Variants in ST6GALNAC4 observed in about 807,000 individuals in gnomAD.
ST6GALNAC4 encodes alpha-N-acetyl-neuraminyl-2,3-beta-galactosyl-1,3-N-acetyl-galactosaminide alpha-2,6-sialyltransferase.
Under a neutral mutation model 30.4 loss-of-function variants are expected in ST6GALNAC4, and 24 were observed. The ratio of observed to expected loss-of-function variants is 0.79; its 90% CI spans 0.57 to 1.11. ST6GALNAC4 has a LOEUF of 1.11. Ranked by LOEUF, ST6GALNAC4 falls within the 50% of genes most tolerant of loss-of-function variation. ST6GALNAC4 has a pLI of 0.00. For synonymous variants in ST6GALNAC4, 156 were observed against 179.7 expected, an observed-to-expected ratio of 0.87 and a Z score of 1.05; for missense variants, 365 against 430.1, an observed-to-expected ratio of 0.85 and a Z score of 1.34.
At chr9:127,916,722 A>C in intron 1 of ST6GALNAC4, 104 bp downstream of exon 1, 1 of 531,368 alleles carries the variant, frequency 1.9e-6, no homozygotes, top group Non-Finnish European at 3.4e-6. Context: ...CAGTGCGCAG[A>C]TGGGGAGGAA....
chr9:127,913,533 C>A lies in ST6GALNAC4; in HGVS notation c.199-853G>T, dbSNP rs139104557. 1.2e-3 allele frequency among the ~76,000 whole-genome samples: 188 copies of A among 152,070 alleles called. 1 individual carries two copies. The highest frequency in any genetic ancestry group is 4.1e-3 in the African/African-American group (170 of 41,480). ...CTGGGAGGCGGAGGTTGCAGTGAGC[C>A]GAGATTGCGCCACTGTACTCCAGCC... On this transcript the variant is annotated intron_variant, in intron 3 of 5. Transcript: ENST00000335791.
At chr9:127,910,640 A>C (rs1831055430) in intron 4 of ST6GALNAC4, 2 of 985,840 alleles carry the variant, frequency 2.0e-6, no homozygotes, top group Non-Finnish European at 2.4e-6. Context: ...TGGTGGCCCC[A>C]GCCTCAGCTC....
intron 3 of ST6GALNAC4, among the ~76,000 whole-genome samples, 187 bp from the exon 4 acceptor site, chr9:127,912,867 A>C (rs563316580): frequency 3.9e-5 from 6 of 152,250 alleles, no homozygotes; most frequent in Non-Finnish European, 7.4e-5. Context: ...ACCCAGTGTC[A>C]GAGCTAAGGT....
intron 4 of ST6GALNAC4, among the ~76,000 whole-genome samples, chr9:127,911,115 G>A (rs375773034): frequency 1.2e-3 from 185 of 152,268 alleles, no homozygotes; most frequent in African/African-American, 4.4e-3. Flanking sequence ...AGCCCCAGAC[G>A]GCCAGTATGG....
chr9:127,908,412 G>T lies in ST6GALNAC4; in HGVS notation c.889C>A (p.Pro297Thr). 4 of 1,576,692 alleles carry T rather than the reference G, an allele frequency of 2.5e-6. No homozygotes were observed. The highest frequency in any genetic ancestry group is 3.5e-6 in the Non-Finnish European group (4 of 1,152,984). Residue 297 changes from proline (P) to threonine (T), a missense_variant, in exon 6 of 6, where the codon CCG becomes ACG. Pro to Thr is a conservative substitution (Grantham distance 38). Coordinates refer to ENST00000335791, the MANE Select transcript of ST6GALNAC4 (RefSeq NM_175039.4). ...GGAAGCTACTCAGTCCTCCAGGACGGATGGGCGAACACGATGGGCCTCTTC... is the reference window on the plus strand; with the variant it reads ...GGAAGCTACTCAGTCCTCCAGGACGTATGGGCGAACACGATGGGCCTCTTC... ...AKKRPIVFAH[P>T]SWRTE
At chr9:127,912,739 T>TGCA (rs1291681207) in intron 3 of ST6GALNAC4, 59 bp from the exon 4 acceptor site, 1 of 1,461,316 alleles carries the variant, frequency 6.8e-7, no homozygotes, top group Non-Finnish European at 9.0e-7. Context: ...TTACACCCCC[T>TGCA]GCAGCTCCCC....
Position 127,916,899 on chromosome 9 carries a change from C to G in ST6GALNAC4, c.-149G>C, listed in dbSNP as rs1279638454. ...GGTTTTTCACCGCCCTTCCAGATTC[C>G]ACTGCCGCATCTCCCGGCCGAATGC... is the stretch of plus-strand genomic sequence containing the variant. On this transcript the variant is annotated 5_prime_UTR_variant, in exon 1 of 6. Coordinates refer to ENST00000335791, the MANE Select transcript of ST6GALNAC4 (RefSeq NM_175039.4). The G allele has an allele frequency of 5.7e-6, 1 of 174,038 alleles. No homozygotes were observed. The highest frequency in any genetic ancestry group is 1.2e-5 in the Non-Finnish European group (1 of 80,202). The allele number at this position is 174,038 out of a possible 1,614,324, so 10.8% of individuals were successfully genotyped here. A position where few individuals can be genotyped will look rare whatever the true frequency, so the allele number is the denominator to read the frequency against.
Position 127,913,795 on chromosome 9 carries a change from G to A in ST6GALNAC4, c.198+861C>T, listed in dbSNP as rs570462134. Among the ~76,000 whole-genome samples, 12 of 151,904 alleles carry A rather than the reference G, an allele frequency of 7.9e-5. No homozygotes were observed. In the East Asian group the frequency reaches 2.3e-3, roughly 30 times the overall value. On this transcript the variant is annotated intron_variant, in intron 3 of 5. Transcript: ENST00000335791. ...TAACCAGGTGTGGTGGCATGAGCCT[G>A]TAGTCCCAGGGCAGGGCTAGGGCAG...
At chr9:127,909,186 C>G (rs1010840682) in intron 5 of ST6GALNAC4, among the ~76,000 whole-genome samples, 2 of 152,084 alleles carry the variant, frequency 1.3e-5, no homozygotes, top group South Asian at 2.1e-4. Context: ...TCAGGAGTTC[C>G]AGACCAGCCT....
intron 3 of ST6GALNAC4, 120 bp from the exon 4 acceptor site, chr9:127,912,800 TATG>T: frequency 8.1e-7 from 1 of 1,229,120 alleles, no homozygotes; most frequent in Non-Finnish European, 1.1e-6. Context: ...GAAGGACTGT[TATG>T]AACCCATTTT....
chr9:127,911,654 T>C (rs1013175813), intron 4 of ST6GALNAC4, among the ~76,000 whole-genome samples: 1 of 152,176 alleles, frequency 6.6e-6, no homozygotes, highest in African/African-American at 2.4e-5. Flanking sequence ...ACCCGGCTAA[T>C]TTTTGTATTT....
At chr9:127,908,875 G>A (rs541896881) in intron 5 of ST6GALNAC4, among the ~76,000 whole-genome samples, 1 of 152,302 alleles carries the variant, frequency 6.6e-6, no homozygotes, top group South Asian at 2.1e-4. Context: ...CAAGTGCGTA[G>A]ATCAAGAGAT....
At chr9:127,908,713 C>G in intron 5 of ST6GALNAC4, 132 bp from the exon 6 acceptor site, 1 of 731,320 alleles carries the variant, frequency 1.4e-6, no homozygotes, top group Non-Finnish European at 2.0e-6. Flanking sequence ...CTGGGGAGGC[C>G]AAGACACATA....
At chr9:127,915,299 T>C (rs1171665826) in intron 2 of ST6GALNAC4, among the ~76,000 whole-genome samples, 1 of 152,088 alleles carries the variant, frequency 6.6e-6, no homozygotes, top group Non-Finnish European at 1.5e-5. Flanking sequence ...GCCTTCTGTA[T>C]ACTGTAAAGT....
intron 3 of ST6GALNAC4, among the ~76,000 whole-genome samples, chr9:127,913,915 C>A (rs1340243282): frequency 4.6e-5 from 7 of 152,160 alleles, no homozygotes. Context: ...CTTCACCGAG[C>A]GCATGATGGC....
At position 127,912,333 on chromosome 9, in the gene ST6GALNAC4, G is replaced by A. The variant is rs1314810191; in HGVS notation, c.546C>T (p.Tyr182=). The A allele has an allele frequency of 6.2e-7, 1 of 1,614,106 alleles. No homozygotes were observed. Among genetic ancestry groups the A allele is most frequent in the Non-Finnish European group, 8.5e-7 (1 of 1,180,028 alleles). Residue 182 remains tyrosine (Y), a synonymous_variant, in exon 4 of 6, where the codon TAC becomes TAT. Transcript: ENST00000335791. ...LTRMYPGLQV[Y]TFTERMMAYC... ...AGGCCATCATGCGCTCCGTGAAGGT[G>A]TACACCTGCAGGCCGGGGTACATCC...
In ST6GALNAC4 at chr9:127,908,448, G is replaced by T. The variant is rs775528082; in HGVS notation, c.853C>A (p.Arg285Ser). 38 of 1,602,410 alleles carry T rather than the reference G, an allele frequency of 2.4e-5. No individual in the cohort carries two copies. Among genetic ancestry groups the T allele is most frequent in the Non-Finnish European group, 3.2e-5 (37 of 1,171,578 alleles). Residue 285 changes from arginine (R) to serine (S), a missense_variant, in exon 6 of 6, where the codon CGC becomes AGC. By Grantham distance (110) the Arg-to-Ser change is moderately radical. Coordinates refer to ENST00000335791, the MANE Select transcript of ST6GALNAC4 (RefSeq NM_175039.4). ...RFITEKAVFS[R>S]WAKKRPIVFA... ...ACGATGGGCCTCTTCTTGGCCCAGCGGGAGAAGACCGCCTTCTCAGTGATG... is the reference window on the plus strand; with the variant it reads ...ACGATGGGCCTCTTCTTGGCCCAGCTGGAGAAGACCGCCTTCTCAGTGATG...
Position 127,908,153 on chromosome 9 carries a change from G to A in ST6GALNAC4, c.*239C>T, listed in dbSNP as rs1127024. ...GAGGTGGGGTGAGCCCCCAAATGCC[G>A]TGAATTACTCAGGGAGTGGAGGGGG... is the stretch of plus-strand genomic sequence containing the variant. On this transcript the variant is annotated 3_prime_UTR_variant, in exon 6 of 6. Coordinates refer to ENST00000335791, the MANE Select transcript of ST6GALNAC4 (RefSeq NM_175039.4). The A allele has an allele frequency of 0.95, 181,163 of 189,918 alleles. 87,032 individuals carry two copies. Among genetic ancestry groups the A allele is most frequent in the Non-Finnish European group, 1 (92,732 of 92,838 alleles). The allele number at this position is 189,918 out of a possible 1,614,324, so 11.8% of individuals were successfully genotyped here. A position where few individuals can be genotyped will look rare whatever the true frequency, so the allele number is the denominator to read the frequency against.
At chr9:127,916,098 T>C (rs1831188708) in intron 2 of ST6GALNAC4, 1 of 508,124 alleles carries the variant, frequency 2.0e-6, no homozygotes. Context: ...CCGGGGCTTC[T>C]GCAGTAAAGA....
Sources: allele counts gnomAD v4.1 joint callset (sites outside exome capture counted in the v4.1 genomes callset), GRCh38; gene constraint gnomAD v4.1.1; transcripts MANE v1.5; gene names NCBI Gene and HGNC (gene_info 2026-07-23, HGNC 2026-07-21).